Variants in ANKS1A observed in about 807,000 individuals in gnomAD.
ANKS1A encodes ankyrin repeat and SAM domain-containing protein 1A.
Under a neutral mutation model 120.3 loss-of-function variants are expected in ANKS1A, and 55 were observed. The ratio of observed to expected loss-of-function variants is 0.46; its 90% CI spans 0.37 to 0.57. The LOEUF (loss-of-function observed/expected upper bound fraction) is 0.57. Among genes scored for constraint, ANKS1A ranks in the 20% least tolerant of loss-of-function variants. The probability of loss-of-function intolerance (pLI) is 0.00; values close to 1 mark genes in which losing one functional copy is unlikely to be tolerated. For missense variants in ANKS1A, 1,123 were observed against 1,480.3 expected (o/e 0.76, Z 3.96); for synonymous variants, 590 against 604.7 (o/e 0.98, Z 0.36).
At chr6:35,074,725 C>G (rs1406025218) in intron 13 of ANKS1A, among the ~76,000 whole-genome samples, 1 of 152,214 alleles carries the variant, frequency 6.6e-6, no homozygotes, top group South Asian at 2.1e-4. Context: ...CCAGGCCTCG[C>G]TTGTGCCCAG....
intron 11 of ANKS1A, among the ~76,000 whole-genome samples, chr6:35,053,866 G>A (rs1776079809): frequency 6.6e-6 from 1 of 152,226 alleles, no homozygotes; most frequent in Non-Finnish European, 1.5e-5. Flanking sequence ...GCTAAGCCCA[G>A]ACTGTCACCA....
intron 11 of ANKS1A, among the ~76,000 whole-genome samples, chr6:35,035,739 C>T (rs567787576): frequency 8.9e-4 from 136 of 152,348 alleles, no homozygotes; most frequent in South Asian, 2.5e-3. Context: ...CTAGTCATCC[C>T]TGGATATCAG....
downstream of ANKS1A, among the ~76,000 whole-genome samples, chr6:35,091,892 G>A (rs74428219): frequency 4.5e-4 from 69 of 152,350 alleles, no homozygotes; most frequent in East Asian, 0.012. Flanking sequence ...GGATGCAGAG[G>A]GCAAAGTGTT....
rs1288825251 is a variant in ANKS1A at position 35,058,960 on chromosome 6, G to A, written c.2078-1187G>A. Among the ~76,000 whole-genome samples, 1 of 152,216 alleles carries A rather than the reference G, an allele frequency of 6.6e-6. No homozygotes were observed. Among genetic ancestry groups the A allele is most frequent in the Non-Finnish European group, 1.5e-5 (1 of 68,044 alleles). ...AAGATCCAGAGACCCTGGGACGACT[G>A]TGGCTGTCTTTATCACTCAGCCAAA... On this transcript the variant is annotated intron_variant, in intron 12 of 23. Transcript: ENST00000360359. The surrounding 1 kb of genome is among the most constrained non-coding windows in gnomAD (Gnocchi z 5.1).
chr6:34,958,957 G>A (rs1324819121), intron 1 of ANKS1A, among the ~76,000 whole-genome samples: 10 of 152,148 alleles, frequency 6.6e-5, no homozygotes, highest in Admixed American at 6.5e-4. Context: ...TGAACTCAAG[G>A]GTGGGGACTG....
chr6:34,974,528 T>C (rs1429748575), intron 3 of ANKS1A, among the ~76,000 whole-genome samples: 1 of 151,950 alleles, frequency 6.6e-6, no homozygotes, highest in African/African-American at 2.4e-5. Context: ...GTCTTCAGAA[T>C]AGGAAGATAC....
chr6:35,067,886 ATTTTT>A (rs750257307), intron 13 of ANKS1A, among the ~76,000 whole-genome samples: 1 of 106,886 alleles, frequency 9.4e-6, no homozygotes, highest in Non-Finnish European at 1.8e-5. Flanking sequence ...TTCATTTTCA[ATTTTT>A]TTTTTTTTTT....
chr6:34,975,013 T>C (rs376108486), intron 3 of ANKS1A, among the ~76,000 whole-genome samples: 21 of 152,256 alleles, frequency 1.4e-4, no homozygotes, highest in African/African-American at 2.2e-4. Context: ...AGGGTAAGAC[T>C]TTGGTTCTTG....
Position 35,050,756 on chromosome 6 carries a change from G to A in ANKS1A, c.2011-3343G>A, listed in dbSNP as rs1775927952. On this transcript the variant is annotated intron_variant, in intron 11 of 23. Transcript: ENST00000360359. This position sits in a 1 kb window ranked among gnomAD's most constrained non-coding sequence, Gnocchi z 4.3. ...TCCAGACACTCTGTGGTGCCAGGGT[G>A]GGGACCTGCCAATCTCTGCCCAAAC... 6.6e-6 allele frequency among the ~76,000 whole-genome samples: 1 copy of A among 152,174 alleles called. No homozygotes were observed. Among genetic ancestry groups the A allele is most frequent in the Admixed American group, 6.5e-5 (1 of 15,282 alleles).
intron 1 of ANKS1A, among the ~76,000 whole-genome samples, chr6:34,907,943 G>C (rs1008690014): frequency 3.9e-5 from 6 of 152,138 alleles, no homozygotes; most frequent in Non-Finnish European, 7.3e-5. Flanking sequence ...TGTAATCCCA[G>C]CACTTTGGGA....
chr6:35,002,338 C>T (rs956330667), intron 10 of ANKS1A, among the ~76,000 whole-genome samples: 2 of 152,094 alleles, frequency 1.3e-5, no homozygotes, highest in African/African-American at 4.8e-5. Context: ...GACGACAAGC[C>T]CTGCTTCAGT....
At chr6:34,979,041 G>A (rs1285806759) in intron 3 of ANKS1A, among the ~76,000 whole-genome samples, 1 of 151,654 alleles carries the variant, frequency 6.6e-6, no homozygotes, top group Non-Finnish European at 1.5e-5. Context: ...TACTACAGGT[G>A]CCCGCCACCA....
intron 23 of ANKS1A, among the ~76,000 whole-genome samples, chr6:35,088,036 G>A (rs995763460): frequency 6.6e-6 from 1 of 152,220 alleles, no homozygotes; most frequent in African/African-American, 2.4e-5. Context: ...AGCTGCTGGA[G>A]GACAGGGACC....
chr6:35,076,941 T>C (rs1777391361), intron 13 of ANKS1A, among the ~76,000 whole-genome samples: 1 of 152,180 alleles, frequency 6.6e-6, no homozygotes, highest in African/African-American at 2.4e-5. Flanking sequence ...CAATAGTCCC[T>C]ATTACTAAAT....
In ANKS1A at chr6:35,060,461, G is replaced by A. The variant is rs748138555; in HGVS notation, c.2184+208G>A. ...GTCCCTCTCCCTCTGCCCCAGAAAC[G>A]GCTCCAGAGGGAGCTCTCTTTGCAG... On this transcript the variant is annotated intron_variant, in intron 13 of 23. Coordinates refer to ENST00000360359, the MANE Select transcript of ANKS1A (RefSeq NM_015245.3). The surrounding 1 kb of genome is among the most constrained non-coding windows in gnomAD (Gnocchi z 4.5). 3.3e-5 allele frequency among the ~76,000 whole-genome samples: 5 copies of A among 152,150 alleles called. No individual in the cohort carries two copies. Among genetic ancestry groups the A allele is most frequent in the South Asian group, 2.1e-4 (1 of 4,828 alleles).
At chr6:35,031,198 C>T (rs2127569927) in intron 11 of ANKS1A, among the ~76,000 whole-genome samples, 1 of 151,972 alleles carries the variant, frequency 6.6e-6, no homozygotes, top group Non-Finnish European at 1.5e-5. Flanking sequence ...TGATTTCTGC[C>T]CTGGAGATAC....
intron 3 of ANKS1A, among the ~76,000 whole-genome samples, chr6:34,976,147 A>AAAAAAAAAAAAAAAAAG (rs559867720): frequency 6.9e-6 from 1 of 145,738 alleles, no homozygotes; most frequent in Non-Finnish European, 1.5e-5. Context: ...AAAAAAAAAA[A>AAAAAAAAAAAAAAAAAG]AAAAGAAAAG....
chr6:35,054,052 ACC>A (rs768359088), intron 11 of ANKS1A, 45 bp from the exon 12 acceptor site: 5 of 1,558,102 alleles, frequency 3.2e-6, no homozygotes, highest in Non-Finnish European at 4.4e-6. Flanking sequence ...GGTAAGGTTT[ACC>A]CCAAGCCTGA....
Position 35,090,113 on chromosome 6 carries a change from GT to G in ANKS1A, c.*1506del, listed in dbSNP as rs1778217912. The stretch of plus-strand genomic sequence containing the variant: ...TTTCTATCTGCTAAGCACCCAGCAG[GT>G]TGGGGCCTGGGACTCAGCTCTCTCT... On this transcript the variant is annotated 3_prime_UTR_variant, in exon 24 of 24. Transcript: ENST00000360359. The G allele has an allele frequency of 2.3e-6, 3 of 1,289,358 alleles. No individual in the cohort carries two copies. The highest frequency in any genetic ancestry group is 3.0e-6 in the Non-Finnish European group (3 of 988,802). The allele number at this position is 1,289,358 out of a possible 1,614,324, so 79.9% of individuals were successfully genotyped here.
Sources: gnomAD v4.1 joint callset for allele counts (sites outside exome capture counted in the v4.1 genomes callset) on GRCh38, gnomAD v4.1.1 for gene constraint, Gnocchi (gnomAD v3.1) non-coding constraint, MANE v1.5 for transcripts, NCBI Gene and HGNC (gene_info 2026-07-23, HGNC 2026-07-21) for gene names.